The following ABCB1 variants were observed in gnomAD, a reference collection of about 807,000 sequenced individuals.
ABCB1 encodes the protein ATP-dependent translocase ABCB1.
A neutral mutation model predicts 142.0 loss-of-function variants in ABCB1; 69 were observed. That is an observed-to-expected ratio of 0.49 (90% confidence interval 0.40 to 0.59). ABCB1 has a LOEUF of 0.59. ABCB1 is among the 20% of genes least tolerant of loss of function. The pLI is 0.00. For missense variants in ABCB1, 1,326 were observed against 1,554.7 expected, an observed-to-expected ratio of 0.85 and a Z score of 2.47; for synonymous variants, 532 against 539.2, an observed-to-expected ratio of 0.99 and a Z score of 0.18.
intron 3 of ABCB1, among the ~76,000 whole-genome samples, chr7:87,586,399 C>G (rs1818758287): frequency 6.6e-6 from 1 of 152,144 alleles, no homozygotes; most frequent in Non-Finnish European, 1.5e-5. Flanking sequence ...TCAGGGCCCC[C>G]TTGGGAAGTG....
chr7:87,641,428 A>T (rs944022327), intron 1 of ABCB1, among the ~76,000 whole-genome samples: 30 of 152,198 alleles, frequency 2.0e-4, no homozygotes, highest in African/African-American at 7.2e-4. Flanking sequence ...GGTTTTAACC[A>T]TGGTTAGTCT....
chr7:87,680,881 T>G (rs1441505858), intron 1 of ABCB1, among the ~76,000 whole-genome samples: 2 of 149,844 alleles, frequency 1.3e-5, no homozygotes, highest in African/African-American at 5.0e-5. Flanking sequence ...GAGGAAATAA[T>G]AGATAAAAGC....
chr7:87,636,345 G>A (rs1054020290), intron 1 of ABCB1, among the ~76,000 whole-genome samples: 1 of 152,148 alleles, frequency 6.6e-6, no homozygotes, highest in East Asian at 1.9e-4. Context: ...GCACCTTTCC[G>A]TAAGTCTGTA....
intron 20 of ABCB1, among the ~76,000 whole-genome samples, chr7:87,533,517 G>GAAACTAA (rs1816152393): frequency 6.6e-6 from 1 of 152,168 alleles, no homozygotes; most frequent in African/African-American, 2.4e-5. Flanking sequence ...TAAACTGCAA[G>GAAACTAA]GAGATTTAAC....
intron 17 of ABCB1, among the ~76,000 whole-genome samples, chr7:87,541,834 T>C (rs942945933): frequency 5.3e-5 from 8 of 152,188 alleles, no homozygotes; most frequent in African/African-American, 1.9e-4. Context: ...TGTCCCAAGG[T>C]GTCTGGGGAA....
rs548177707 is a variant in ABCB1, at chr7:87,679,343, T to C, written c.-331+33818A>G. ...CTCCTGACCTCGTGATCCACCCACC[T>C]TGGCCTCCCAAAGTGCTGGGATTAC... is the stretch of plus-strand genomic sequence containing the variant. On this transcript the variant is annotated intron_variant, in intron 1 of 28. Coordinates refer to the ABCB1 transcript ENST00000265724. 6.0e-5 allele frequency among the ~76,000 whole-genome samples: 9 copies of C among 149,882 alleles called. No homozygotes were observed. In the South Asian group the frequency reaches 1.9e-3, roughly 32 times the overall value.
chr7:87,693,999 G>A (rs950223484), intron 1 of ABCB1: 1 of 1,606,420 alleles, frequency 6.2e-7, no homozygotes, highest in Non-Finnish European at 8.5e-7. Context: ...TGAGCTGCAC[G>A]GGAGCATGGA....
chr7:87,626,299 ATATATATGTGTCG>A (rs1359924232), intron 1 of ABCB1, among the ~76,000 whole-genome samples: 2 of 43,502 alleles, frequency 4.6e-5, no homozygotes, highest in Non-Finnish European at 7.6e-5. Flanking sequence ...TATATGTGTC[ATATATATGTGTCG>A]TATATGTGTC....
intron 1 of ABCB1, among the ~76,000 whole-genome samples, chr7:87,686,548 A>C (rs1478931847): frequency 6.6e-6 from 1 of 152,174 alleles, no homozygotes; most frequent in East Asian, 1.9e-4. Flanking sequence ...TTTAGCAGTA[A>C]AGTCATCAGA....
chr7:87,546,623 C>A (rs1471924200), intron 14 of ABCB1, among the ~76,000 whole-genome samples: 1 of 151,608 alleles, frequency 6.6e-6, no homozygotes, highest in Non-Finnish European at 1.5e-5. Flanking sequence ...CAAATTCCTA[C>A]AGACCAGGCG....
intron 21 of ABCB1, among the ~76,000 whole-genome samples, chr7:87,523,285 A>T (rs1815609325): frequency 1.3e-5 from 2 of 152,006 alleles, no homozygotes; most frequent in Admixed American, 1.3e-4. Context: ...GCTTGAATTA[A>T]TTTTTTTAAT....
At chr7:87,611,189 T>C (rs1350612300) in intron 1 of ABCB1, among the ~76,000 whole-genome samples, 1 of 152,218 alleles carries the variant, frequency 6.6e-6, no homozygotes, top group African/African-American at 2.4e-5. Context: ...ATCTGTCTTC[T>C]GCTTACCTCT....
At chr7:87,515,471 T>C (rs776326897) in intron 24 of ABCB1, 43 bp from the exon 25 acceptor site, 3 of 1,577,112 alleles carry the variant, frequency 1.9e-6, no homozygotes, top group Middle Eastern at 1.7e-4. Flanking sequence ...GCTGCAATAC[T>C]GAAAATAAAG....
intron 1 of ABCB1, among the ~76,000 whole-genome samples, chr7:87,620,123 A>G (rs969704501): frequency 1.3e-5 from 2 of 151,938 alleles, no homozygotes; most frequent in Non-Finnish European, 2.9e-5. Context: ...TCCTGTTTAG[A>G]CGTTTGTGAG....
rs751032232 is a variant in ABCB1 at position 87,550,533 on chromosome 7, T to C, written c.1159A>G (p.Asn387Asp). 2 of 1,613,588 alleles carry C rather than the reference T, an allele frequency of 1.2e-6. No homozygotes were observed. The highest frequency in any genetic ancestry group is 1.7e-6 in the Non-Finnish European group (2 of 1,180,000). ...CTGAATTCCAAATTTCCCTTAATAT[T>C]ATCTGGTTTGTGCCCACTCTTCGAA... is the stretch of plus-strand genomic sequence containing the variant. ...SYSKSGHKPD[N>D]IKGNLEFRNV... is the part of the protein sequence containing the mutation. The change falls in exon 11 of 28, where the codon AAT becomes GAT. Residue 387 changes from asparagine (N) to aspartate (D), a missense_variant. Transcript: ENST00000622132.
At chr7:87,686,255 G>C (rs1333016768) in intron 1 of ABCB1, among the ~76,000 whole-genome samples, 1 of 152,096 alleles carries the variant, frequency 6.6e-6, no homozygotes, top group Non-Finnish European at 1.5e-5. Flanking sequence ...AGATTAATAA[G>C]GTATGCTTTC....
chr7:87,568,075 C>T (rs930985434), intron 5 of ABCB1, among the ~76,000 whole-genome samples: 1 of 150,248 alleles, frequency 6.7e-6, no homozygotes, highest in Non-Finnish European at 1.5e-5. Context: ...TGCACTCCAG[C>T]CTGGGTGACA....
chr7:87,652,529 A>G (rs1823676269), intron 1 of ABCB1, among the ~76,000 whole-genome samples: 1 of 151,664 alleles, frequency 6.6e-6, no homozygotes. Context: ...ACTAAGATAT[A>G]GTAAGAAAGC....
intron 9 of ABCB1, 141 bp from the exon 10 acceptor site, chr7:87,550,979 T>C (rs1817039992): frequency 3.0e-6 from 2 of 656,526 alleles, no homozygotes; most frequent in Non-Finnish European, 5.4e-6. Flanking sequence ...GTTAAAAATA[T>C]TTTAAAAGTT....
Sources: allele counts gnomAD v4.1 joint callset (sites outside exome capture counted in the v4.1 genomes callset), GRCh38; gene constraint gnomAD v4.1.1; transcripts MANE v1.5; gene names NCBI Gene and HGNC (gene_info 2026-07-23, HGNC 2026-07-21).